The following UBE3B variants were observed in gnomAD, a reference collection of about 807,000 sequenced individuals.
UBE3B encodes ubiquitin protein ligase E3B, also known as ubiquitin-protein ligase E3B.
A neutral mutation model predicts 132.3 loss-of-function variants in UBE3B; 80 were observed. That is an observed-to-expected ratio of 0.60 (90% CI 0.50 to 0.73). UBE3B has a LOEUF of 0.73. Among genes scored for constraint, UBE3B ranks in the 30% least tolerant of loss-of-function variants. The pLI is 0.00. For synonymous variants in UBE3B, 487 were observed against 520.4 expected (o/e 0.94, Z 0.87); for missense variants, 1,196 against 1,362.5 (o/e 0.88, Z 1.92).
At chr12:109,485,190 C>T (rs1450684010) in intron 4 of UBE3B, among the ~76,000 whole-genome samples, 1 of 152,244 alleles carries the variant, frequency 6.6e-6, no homozygotes, top group Non-Finnish European at 1.5e-5. Flanking sequence ...AGCTAGTTAT[C>T]TGTAATAGTA....
At chr12:109,480,959 T>G (rs547310494) in intron 1 of UBE3B, among the ~76,000 whole-genome samples, 1 of 152,132 alleles carries the variant, frequency 6.6e-6, no homozygotes, top group Admixed American at 6.5e-5. Context: ...TATTCACTTC[T>G]AAGGCATAAA....
At position 109,477,823 on chromosome 12, in the gene UBE3B, T is replaced by G. The variant is rs1309228569; in HGVS notation, c.-414T>G. 4 of 161,124 alleles carry G rather than the reference T, an allele frequency of 2.5e-5. No individual in the cohort carries two copies. The highest frequency in any genetic ancestry group is 5.5e-5 in the Non-Finnish European group (4 of 72,992). 10.0% of individuals were successfully genotyped at this position (161,124 alleles called of 1,614,324 possible). A position where few individuals can be genotyped will look rare whatever the true frequency, so the allele number is the denominator to read the frequency against. On this transcript the variant is annotated 5_prime_UTR_variant, in exon 1 of 28. Coordinates refer to ENST00000342494, the MANE Select transcript of UBE3B (RefSeq NM_130466.4). ...TCCGGCCTGCGGGAGAACTGGGTCG[T>G]CAGTCCTCCGAGTGGTGGGGCTGGG...
At chr12:109,503,494 AAAGG>A (rs1165699249) in intron 14 of UBE3B, among the ~76,000 whole-genome samples, 1 of 152,184 alleles carries the variant, frequency 6.6e-6, no homozygotes, top group Non-Finnish European at 1.5e-5. Flanking sequence ...TGCAAAAAAA[AAAGG>A]AAAAAGAAAA....
chr12:109,516,796 A>C lies in UBE3B; in HGVS notation c.1988A>C (p.Lys663Thr), dbSNP rs767702458. Residue 663 changes from lysine to threonine, a missense_variant, in exon 19 of 28, where the codon AAG (lysine) becomes ACG (threonine). Transcript: ENST00000342494. ...CTACTGTTTCGAACCATGGTTACCA[A>C]GGAGAAGGAGAAACTGGGGCTGGTG... The part of the protein sequence containing the change: ...RVLLFRTMVT[K>T]EKEKLGLVET... The C allele has an allele frequency of 3.1e-6, 5 of 1,613,926 alleles. No individual in the cohort carries two copies. The East Asian group carries it at 8.9e-5, about 29-fold the overall frequency.
intron 6 of UBE3B, among the ~76,000 whole-genome samples, chr12:109,487,273 C>T (rs965225664): frequency 5.3e-5 from 8 of 152,194 alleles, no homozygotes; most frequent in African/African-American, 1.9e-4. Flanking sequence ...CCCCTACCCC[C>T]TTCAGTGTTC....
At position 109,486,485 on chromosome 12, in the gene UBE3B, C is replaced by A. The variant is rs1362364657; in HGVS notation, c.357C>A (p.Ser119=). Residue 119 remains serine, a synonymous_variant, in exon 6 of 28, where the codon TCC becomes TCA. Coordinates refer to ENST00000342494, the MANE Select transcript of UBE3B (RefSeq NM_130466.4). ...CCCACCTATAGGTGTGGTATGTGTC[C>A]CTGGCTTGTTCTAAGGACCTCACCC... ...AENEPKVWYV[S]LACSKDLTLL... 8 of 1,608,074 alleles carry A rather than the reference C, an allele frequency of 5.0e-6. No homozygotes were observed. Among genetic ancestry groups the A allele is most frequent in the Non-Finnish European group, 5.9e-6 (7 of 1,177,724 alleles).
Position 109,534,733 on chromosome 12 carries a change from A to G in UBE3B, c.3158A>G (p.Glu1053Gly). Reference protein sequence around the residue: ...PNYSKKSVLREKLRYAISMNT... With the variant: ...PNYSKKSVLRGKLRYAISMNT... ...TACAGCAAGAAGAGCGTCCTCCGCG[A>G]GAAGCTGCGCTACGCCATCAGCATG... The change falls in exon 28 of 28, where the codon GAG (glutamate) becomes GGG (glycine). Residue 1053 changes from glutamate to glycine, a missense_variant. Coordinates refer to ENST00000342494, the MANE Select transcript of UBE3B (RefSeq NM_130466.4). This position sits in a 1 kb window ranked among gnomAD's most constrained non-coding sequence, Gnocchi z 5.2. 1 of 1,599,634 alleles carries G rather than the reference A, an allele frequency of 6.3e-7. No individual in the cohort carries two copies. Among genetic ancestry groups the G allele is most frequent in the Non-Finnish European group, 8.5e-7 (1 of 1,172,866 alleles).
rs1428249651 is a variant in UBE3B, at chr12:109,534,892, T to TAGAC, written c.*111_*114dup. The TAGAC allele has an allele frequency of 1.1e-6, 1 of 945,970 alleles. No individual in the cohort carries two copies. Among genetic ancestry groups the TAGAC allele is most frequent in the East Asian group, 2.9e-5 (1 of 34,958 alleles). 58.6% of individuals were successfully genotyped at this position (945,970 alleles called of 1,614,324 possible). ...CAACATGCCAGGTGACATTGGCCCCTAGACCCTCTCTATAGCCATGAGACT... is the reference window on the plus strand; with the variant it reads ...CAACATGCCAGGTGACATTGGCCCCTAGACAGACCCTCTCTATAGCCATGAGACT... On this transcript the variant is annotated 3_prime_UTR_variant, in exon 28 of 28. Coordinates refer to ENST00000342494, the MANE Select transcript of UBE3B (RefSeq NM_130466.4). The surrounding 1 kb of genome is among the most constrained non-coding windows in gnomAD (Gnocchi z 5.2).
downstream of UBE3B, among the ~76,000 whole-genome samples, chr12:109,541,103 C>A (rs1405636821): frequency 6.6e-6 from 1 of 152,264 alleles, no homozygotes; most frequent in Non-Finnish European, 1.5e-5. Context: ...ACTGCTGCAT[C>A]CCTCAGACCA....
rs973943528 is a variant in UBE3B, at chr12:109,522,008, G to C, written c.2364+457G>C. On this transcript the variant is annotated intron_variant, in intron 21 of 27. Transcript: ENST00000342494. The surrounding 1 kb of genome is among the most constrained non-coding windows in gnomAD (Gnocchi z 4.2). ...TGGAGTTTGATAGTTTTAAAATCTT[G>C]TGTTGTTTGAGTGAGTGCTTCCCAG... Among the ~76,000 whole-genome samples the C allele has an allele frequency of 6.6e-6, 1 of 152,218 alleles. No individual in the cohort carries two copies. The highest frequency in any genetic ancestry group is 1.5e-5 in the Non-Finnish European group (1 of 68,038).
rs1189765542 is a variant in UBE3B, at chr12:109,530,620, T to A, written c.2884T>A (p.Ser962Thr). The A allele has an allele frequency of 6.8e-6, 11 of 1,614,132 alleles. No individual in the cohort carries two copies. Among genetic ancestry groups the A allele is most frequent in the Non-Finnish European group, 8.5e-6 (10 of 1,180,048 alleles). Reference protein sequence around the residue: ...VIIWLWDILASDFTPDERAMF... With the variant: ...VIIWLWDILATDFTPDERAMF... ...CATCTGGCTCTGGGATATTCTGGCC[T>A]CCGACTTCACACCGGATGAGAGAGC... The change falls in exon 26 of 28, where the codon TCC becomes ACC. Residue 962 changes from serine to threonine, a missense_variant. Physicochemically the swap from Ser to Thr is moderately conservative, Grantham distance 58. Transcript: ENST00000342494.
chr12:109,488,139 G>A (rs1176899010), intron 6 of UBE3B, among the ~76,000 whole-genome samples: 1 of 152,334 alleles, frequency 6.6e-6, no homozygotes, highest in Non-Finnish European at 1.5e-5. Flanking sequence ...TGAGGAAACC[G>A]AGGCACAGAA....
intron 19 of UBE3B, chr12:109,519,787 G>T (rs1346860376): frequency 6.6e-6 from 1 of 152,172 alleles, no homozygotes; most frequent in Admixed American, 6.5e-5. Flanking sequence ...GTCCTTCTCA[G>T]GTTTGCCTCC....
At chr12:109,500,672 G>C (rs1010514079) in intron 12 of UBE3B, among the ~76,000 whole-genome samples, 1 of 152,208 alleles carries the variant, frequency 6.6e-6, no homozygotes, top group East Asian at 1.9e-4. Context: ...CCTGCTCTCC[G>C]CTCCACTTCC....
At chr12:109,498,110 T>A in intron 10 of UBE3B, 123 bp from the exon 11 acceptor site, 2 of 1,453,932 alleles carry the variant, frequency 1.4e-6, no homozygotes, top group Non-Finnish European at 1.9e-6. Context: ...TCTGTCCATT[T>A]TCTTCTTGGT....
Position 109,499,640 on chromosome 12 carries a change from C to T in UBE3B, c.948C>T (p.Leu316=), listed in dbSNP as rs150323950. 66 of 1,598,226 alleles carry T rather than the reference C, an allele frequency of 4.1e-5. No individual in the cohort carries two copies. The African/African-American group carries it at 8.1e-4, about 20-fold the overall frequency. ...GCHTLCLMGN[L]LHLGSLSPRV... ...AGCCTTCTCTCTCTGTAGGCAACCT[C>T]CTACACTTGGGCTCCCTCAGCCCCA... Residue 316 remains leucine (L), a synonymous_variant, in exon 12 of 28, where the codon CTC becomes CTT. Transcript: ENST00000342494.
intron 13 of UBE3B, 148 bp from the exon 14 acceptor site, chr12:109,502,875 C>T: frequency 1.1e-6 from 1 of 951,452 alleles, no homozygotes; most frequent in South Asian, 1.4e-5. Flanking sequence ...CTAATTTATC[C>T]CAAAGAAATG....
chr12:109,481,184 GCACA>G (rs1875350714), intron 1 of UBE3B, among the ~76,000 whole-genome samples: 1 of 151,842 alleles, frequency 6.6e-6, no homozygotes, highest in African/African-American at 2.4e-5. Flanking sequence ...GGGTATGGTG[GCACA>G]CACCTGTAAT....
At chr12:109,504,341 G>C (rs895564947) in intron 14 of UBE3B, among the ~76,000 whole-genome samples, 1 of 152,218 alleles carries the variant, frequency 6.6e-6, no homozygotes, top group African/African-American at 2.4e-5. Context: ...AATCATTCCT[G>C]GTTGAAAGCC....
Sources: allele counts gnomAD v4.1 joint callset (sites outside exome capture counted in the v4.1 genomes callset), GRCh38; gene constraint gnomAD v4.1.1; non-coding constraint Gnocchi (gnomAD v3.1); transcripts MANE v1.5; gene names NCBI Gene and HGNC (gene_info 2026-07-23, HGNC 2026-07-21).